Variants in WRN observed in about 807,000 individuals in gnomAD.
The protein encoded by WRN is bifunctional 3'-5' exonuclease/ATP-dependent helicase WRN.
Under a neutral mutation model 180.7 loss-of-function variants are expected in WRN, and 149 were observed. The ratio of observed to expected loss-of-function variants is 0.82; its 90% confidence interval spans 0.72 to 0.94. The LOEUF is 0.94. WRN is among the 40% of genes least tolerant of loss of function. The pLI is 0.00. For missense variants in WRN, 1,661 were observed against 1,700.1 expected (o/e 0.98, Z 0.40); for synonymous variants, 548 against 568.9 (o/e 0.96, Z 0.52).
chr8:31,096,728 G>A, intron 16 of WRN, 40 bp from the exon 17 acceptor site: 1 of 1,160,224 alleles, frequency 8.6e-7, no homozygotes, highest in Admixed American at 2.1e-5. Context: ...TTCCCTTCCT[G>A]TTTTTTTTTT....
chr8:31,146,603 T>G (rs1027527602), intron 28 of WRN, among the ~76,000 whole-genome samples: 2 of 152,204 alleles, frequency 1.3e-5, no homozygotes, highest in Admixed American at 6.5e-5. Context: ...TGTTCTCTTC[T>G]TGTTTCTTCT....
At chr8:31,129,097 C>G (rs1005181608) in intron 23 of WRN, among the ~76,000 whole-genome samples, 9 of 152,148 alleles carry the variant, frequency 5.9e-5, no homozygotes, top group African/African-American at 1.9e-4. Flanking sequence ...CTTGCCTCAC[C>G]TCAGCTTCCC....
At chr8:31,147,507 T>C in intron 30 of WRN, 31 bp downstream of exon 30, 2 of 1,589,984 alleles carry the variant, frequency 1.3e-6, no homozygotes, top group Non-Finnish European at 1.7e-6. Context: ...GTTCTATTTA[T>C]TTCCTTCTAA....
rs770764781 is a variant in WRN, at chr8:31,081,032, A to T, written c.1005A>T (p.Glu335Asp). Residue 335 changes from glutamate to aspartate, a missense_variant, in exon 9 of 35, where the codon GAA becomes GAT. Physicochemically the swap from Glu to Asp is conservative, Grantham distance 45. This residue lies in a region of WRN where 500 missense variants were observed against 504.1 expected (regional missense o/e 0.99). Transcript: ENST00000298139. ...GAGTACAACAGAAACAAATTAGAGAACATGAAGTTTTAATTCACGTTGAAG... is the reference window on the plus strand; with the variant it reads ...GAGTACAACAGAAACAAATTAGAGATCATGAAGTTTTAATTCACGTTGAAG... ...TGGVQQKQIREHEVLIHVEDE... is the reference protein window; with the variant it reads ...TGGVQQKQIRDHEVLIHVEDE... 8 of 1,614,056 alleles carry T rather than the reference A, an allele frequency of 5.0e-6. 1 individual carries two copies. In the South Asian group the frequency reaches 7.7e-5, roughly 16 times the overall value.
At position 31,141,595 on chromosome 8, in the gene WRN, A is replaced by G. The variant is rs1009990257; in HGVS notation, c.3133A>G (p.Lys1045Glu). Residue 1045 changes from lysine to glutamate, a missense_variant, in exon 25 of 35, where the codon AAA becomes GAA. By Grantham distance (56) the Lys-to-Glu change is moderately conservative. Coordinates refer to ENST00000298139, the MANE Select transcript of WRN (RefSeq NM_000553.6). Reference protein sequence around the residue: ...NKFMKICALTKKGRNWLHKAN... With the variant: ...NKFMKICALTEKGRNWLHKAN... ...ATTTATGAAGATTTGCGCCCTTACG[A>G]AAAAGGTAAACGGTGTAGGAGTCTG... The G allele has an allele frequency of 3.1e-6, 5 of 1,614,104 alleles. No homozygotes were observed. Among genetic ancestry groups the G allele is most frequent in the Non-Finnish European group, 4.2e-6 (5 of 1,180,006 alleles).
intron 18 of WRN, among the ~76,000 whole-genome samples, chr8:31,106,352 G>T (rs751260758): frequency 4.6e-5 from 7 of 151,772 alleles, no homozygotes; most frequent in Non-Finnish European, 8.8e-5. Flanking sequence ...CATGTCTTCG[G>T]CTCAGAACCA....
intron 33 of WRN, 51 bp from the exon 34 acceptor site, chr8:31,166,970 TA>T: frequency 6.5e-7 from 1 of 1,534,454 alleles, no homozygotes; most frequent in Non-Finnish European, 9.0e-7. Flanking sequence ...ATAGGTTTTC[TA>T]AAATATTCTC....
chr8:31,157,193 G>A (rs996858960), intron 32 of WRN, among the ~76,000 whole-genome samples, 175 bp from the exon 33 acceptor site: 7 of 152,128 alleles, frequency 4.6e-5, no homozygotes, highest in Admixed American at 3.9e-4. Flanking sequence ...CCTATAGAGA[G>A]CTATAATGGG....
intron 25 of WRN, 21 bp downstream of exon 25, chr8:31,141,621 C>T (rs2130416666): frequency 1.2e-6 from 2 of 1,613,956 alleles, no homozygotes; most frequent in Non-Finnish European, 1.7e-6. Context: ...TAGGAGTCTG[C>T]CTGTTTGACT....
rs2737325 is a variant in WRN at position 31,083,801 on chromosome 8, T to C, written c.1350+22T>C. Reference sequence around the variant, plus strand: ...TAAGGTATGTTTACAATTATAAAAATATTACTTCAAGTTCTTTCCAAAGGA... The same window carrying C: ...TAAGGTATGTTTACAATTATAAAAACATTACTTCAAGTTCTTTCCAAAGGA... On this transcript the variant is annotated intron_variant, in intron 10 of 34. Transcript: ENST00000298139. 0.46 allele frequency: 456,720 copies of C among 987,424 alleles called. 129,903 individuals are homozygous for C. The highest frequency in any genetic ancestry group is 0.58 in the East Asian group (22,875 of 39,652). 61.2% of individuals were successfully genotyped at this position (987,424 alleles called of 1,614,324 possible). A position where few individuals can be genotyped will look rare whatever the true frequency, so the allele number is the denominator to read the frequency against.
intron 24 of WRN, among the ~76,000 whole-genome samples, chr8:31,137,649 T>G (rs1436066368): frequency 6.6e-6 from 1 of 151,976 alleles, no homozygotes; most frequent in Non-Finnish European, 1.5e-5. Flanking sequence ...CCTCAAGAGA[T>G]AAAAATGAAT....
intron 33 of WRN, among the ~76,000 whole-genome samples, chr8:31,165,619 A>G (rs1036795347): frequency 2.0e-5 from 3 of 152,088 alleles, no homozygotes; most frequent in Non-Finnish European, 2.9e-5. Flanking sequence ...TGTACTTTAT[A>G]TATACAACAA....
At chr8:31,170,818 C>G (rs1585553943) in intron 34 of WRN, among the ~76,000 whole-genome samples, 1 of 152,106 alleles carries the variant, frequency 6.6e-6, no homozygotes, top group African/African-American at 2.4e-5. Context: ...TGTTGACACT[C>G]AAAAGACACA....
In WRN at chr8:31,064,522, G is replaced by C. The variant is rs936805450; in HGVS notation, c.355+88G>C. 2.3e-5 allele frequency: 35 copies of C among 1,552,402 alleles called. 1 individual carries two copies. The Middle Eastern group carries it at 2.3e-3, about 100-fold the overall frequency. On this transcript the variant is annotated intron_variant, in intron 4 of 34. Coordinates refer to ENST00000298139, the MANE Select transcript of WRN (RefSeq NM_000553.6). ...ATAAAATTAAGTTCTTTTATTAGCTGGCCGTTCTCTCATTATCTCAAATTT... is the reference window on the plus strand; with the variant it reads ...ATAAAATTAAGTTCTTTTATTAGCTCGCCGTTCTCTCATTATCTCAAATTT...
chr8:31,064,462 A>G, intron 4 of WRN, 28 bp downstream of exon 4: 1 of 1,613,696 alleles, frequency 6.2e-7, no homozygotes. Context: ...TCATTTTTAT[A>G]TGGCTGATAA....
rs113993961 is a variant in WRN at position 31,141,680 on chromosome 8, G to C, written c.3139-1G>C. The C allele has an allele frequency of 2.2e-5, 35 of 1,614,092 alleles. No homozygotes were observed. The East Asian group carries it at 7.8e-4, about 36-fold the overall frequency. On this transcript the variant is annotated splice_acceptor_variant, in intron 25 of 34. Coordinates refer to ENST00000298139, the MANE Select transcript of WRN (RefSeq NM_000553.6). LOFTEE classifies it high-confidence loss of function. ...TAAAAGATCCTTTTTGCTTTTAATA[G>C]GGTAGAAATTGGCTTCATAAAGCTA... is the stretch of plus-strand genomic sequence containing the variant.
At chr8:31,092,547 T>A (rs1218229558) in intron 16 of WRN, among the ~76,000 whole-genome samples, 1 of 151,848 alleles carries the variant, frequency 6.6e-6, no homozygotes, top group Non-Finnish European at 1.5e-5. Flanking sequence ...ATGCATGTTC[T>A]AATTCAGAAC....
chr8:31,092,116 T>G (rs899586637), intron 16 of WRN, among the ~76,000 whole-genome samples: 3 of 152,102 alleles, frequency 2.0e-5, no homozygotes, highest in African/African-American at 7.2e-5. Context: ...AAAATGCACT[T>G]TCTTTTGTAC....
chr8:31,076,084 T>G, intron 7 of WRN, 89 bp from the exon 8 acceptor site: 2 of 1,084,122 alleles, frequency 1.8e-6, no homozygotes, highest in Non-Finnish European at 2.8e-6. Context: ...AAAATGAAAA[T>G]TTGATCCCTA....
Sources: gnomAD v4.1 joint callset for allele counts (sites outside exome capture counted in the v4.1 genomes callset) on GRCh38, gnomAD v4.1.1 for gene constraint, gnomAD v4.1.1 regional missense constraint, MANE v1.5 for transcripts, NCBI Gene and HGNC (gene_info 2026-07-23, HGNC 2026-07-21) for gene names.